The following WDR82 variants were observed in gnomAD, a reference collection of about 807,000 sequenced individuals.
The protein encoded by WDR82 is WD repeat domain 82.
Under a neutral mutation model 36.1 loss-of-function variants are expected in WDR82, and 8 were observed. The observed-to-expected ratio is 0.22, with a 90% CI of 0.13 to 0.40. WDR82 has a LOEUF of 0.40. Ranked by LOEUF, WDR82 falls within the 10% of genes least tolerant of loss-of-function variation. The pLI, the probability that WDR82 is intolerant of heterozygous loss-of-function variation, is 1.00. For synonymous variants in WDR82, 129 were observed against 137.8 expected (o/e 0.94, Z 0.45); for missense variants, 185 against 400.5 (o/e 0.46, Z 4.59).
intron 1 of WDR82, among the ~76,000 whole-genome samples, chr3:52,276,492 C>T (rs2107344987): frequency 6.6e-6 from 1 of 152,152 alleles, no homozygotes; most frequent in East Asian, 1.9e-4. Context: ...TCATCCTTCC[C>T]AAATCAAAAT....
At chr3:52,271,270 C>T (rs73088783) in intron 1 of WDR82, among the ~76,000 whole-genome samples, 25,114 of 152,112 alleles carry the variant, frequency 0.17, 2,862 homozygotes, top group African/African-American at 0.32. Flanking sequence ...AAACACTTAA[C>T]GCTATATTAT....
chr3:52,272,365 G>A (rs561857053), intron 1 of WDR82, among the ~76,000 whole-genome samples: 4 of 151,790 alleles, frequency 2.6e-5, no homozygotes, highest in African/African-American at 4.8e-5. Context: ...CCAACATGGC[G>A]AAACGCTATC....
At chr3:52,267,641 T>C (rs934566718) in intron 2 of WDR82, 4 of 152,340 alleles carry the variant, frequency 2.6e-5, no homozygotes, top group Non-Finnish European at 5.9e-5. Flanking sequence ...ATTAAAAAAA[T>C]CAAATTCTTA....
At chr3:52,267,671 T>C (rs549078167) in intron 2 of WDR82, 1 of 152,440 alleles carries the variant, frequency 6.6e-6, no homozygotes, top group East Asian at 1.9e-4. Flanking sequence ...GTAATAGCAG[T>C]GAGATTTTGA....
intron 2 of WDR82, among the ~76,000 whole-genome samples, chr3:52,269,905 C>A (rs1700138717): frequency 6.6e-6 from 1 of 152,132 alleles, no homozygotes; most frequent in African/African-American, 2.4e-5. Context: ...CTCACAAGTT[C>A]AATTTCTAAA....
At chr3:52,275,337 A>G (rs908035373) in intron 1 of WDR82, among the ~76,000 whole-genome samples, 2 of 152,230 alleles carry the variant, frequency 1.3e-5, no homozygotes, top group African/African-American at 4.8e-5. Flanking sequence ...ATTATTGCCT[A>G]GAATGGAAAC....
intron 1 of WDR82, among the ~76,000 whole-genome samples, chr3:52,277,956 G>A (rs2107346357): frequency 6.6e-6 from 1 of 152,348 alleles, no homozygotes; most frequent in Middle Eastern, 3.4e-3. Flanking sequence ...GTGATGCATA[G>A]CGCTCAAAGG....
chr3:52,273,599 C>T (rs1219777633), intron 1 of WDR82, among the ~76,000 whole-genome samples: 35 of 152,142 alleles, frequency 2.3e-4, no homozygotes, highest in Non-Finnish European at 7.4e-5. Context: ...TCTACTGCCT[C>T]ATTTCATTTC....
intron 3 of WDR82, among the ~76,000 whole-genome samples, chr3:52,262,555 C>T (rs1700070678): frequency 1.3e-5 from 2 of 152,172 alleles, no homozygotes; most frequent in Non-Finnish European, 1.5e-5. Flanking sequence ...ATCCAGTAGG[C>T]CTGACTTGGG....
chr3:52,273,755 G>A (rs530341474), intron 1 of WDR82, among the ~76,000 whole-genome samples: 162 of 152,268 alleles, frequency 1.1e-3, no homozygotes, highest in Non-Finnish European at 1.9e-3. Flanking sequence ...CTGAGTAGCT[G>A]GGATTACAGG....
At position 52,258,739 on chromosome 3, in the gene WDR82, A is replaced by G. The variant is rs1700033593; in HGVS notation, c.770-61T>C. On this transcript the variant is annotated intron_variant, in intron 7 of 8. Transcript: ENST00000296490. ...AGGCGCAATACAAAGACAACTGGAAATGAGACATGGATTGAGATCTGAGGA... is the reference window on the plus strand; with the variant it reads ...AGGCGCAATACAAAGACAACTGGAAGTGAGACATGGATTGAGATCTGAGGA... The G allele has an allele frequency of 1.1e-5, 17 of 1,608,422 alleles. No homozygotes were observed. The South Asian group carries it at 1.8e-4, about 17-fold the overall frequency.
intron 1 of WDR82, among the ~76,000 whole-genome samples, chr3:52,277,394 A>G (rs1321287041): frequency 1.3e-5 from 2 of 152,170 alleles, no homozygotes; most frequent in African/African-American, 2.4e-5. Flanking sequence ...ATTGGAATTC[A>G]AAGTGGACCA....
At chr3:52,257,729 A>G (rs989080472) in intron 8 of WDR82, among the ~76,000 whole-genome samples, 4 of 152,030 alleles carry the variant, frequency 2.6e-5, no homozygotes, top group Non-Finnish European at 4.4e-5. Flanking sequence ...TCCAATAATC[A>G]CTGTCCACCT....
At chr3:52,259,494 A>T (rs1167106950) in intron 6 of WDR82, among the ~76,000 whole-genome samples, 5 of 152,262 alleles carry the variant, frequency 3.3e-5, no homozygotes, top group African/African-American at 1.2e-4. Context: ...CTTTATTGTT[A>T]GGAAATTATT....
At chr3:52,264,687 G>A (rs1202521998) in intron 3 of WDR82, among the ~76,000 whole-genome samples, 1 of 151,756 alleles carries the variant, frequency 6.6e-6, no homozygotes. Flanking sequence ...GGAGATGGAA[G>A]CAAGCAGAAA....
chr3:52,273,488 G>T (rs1187704141), intron 1 of WDR82, among the ~76,000 whole-genome samples: 2 of 147,610 alleles, frequency 1.4e-5, no homozygotes, highest in African/African-American at 4.9e-5. Flanking sequence ...AGTTGAAAGA[G>T]AATAGTGTAA....
intron 1 of WDR82, among the ~76,000 whole-genome samples, chr3:52,275,153 G>A (rs113265714): frequency 0.052 from 7,858 of 152,106 alleles, 274 homozygotes; most frequent in Non-Finnish European, 0.077. Context: ...CTCGGGAGGC[G>A]GAGGTTGCAG....
chr3:52,259,383 C>A, intron 6 of WDR82, 117 bp from the exon 7 acceptor site: 1 of 1,023,048 alleles, frequency 9.8e-7, no homozygotes, highest in South Asian at 1.5e-5. Context: ...CTTTCCTTGT[C>A]ATGTACTACA....
chr3:52,263,206 C>T (rs1007934883), intron 3 of WDR82, among the ~76,000 whole-genome samples: 18 of 152,174 alleles, frequency 1.2e-4, no homozygotes, highest in African/African-American at 4.3e-4. Flanking sequence ...AAGAGCTCAG[C>T]ACAAGACTCT....
Sources: allele counts gnomAD v4.1 joint callset (sites outside exome capture counted in the v4.1 genomes callset), GRCh38; gene constraint gnomAD v4.1.1; transcripts MANE v1.5; gene names NCBI Gene and HGNC (gene_info 2026-07-23, HGNC 2026-07-21).